The following RLIM variants were observed in gnomAD, a reference collection of about 807,000 sequenced individuals.
RLIM encodes the protein E3 ubiquitin-protein ligase RLIM.
A neutral mutation model predicts 34.0 loss-of-function variants in RLIM; 2 were observed. The ratio of observed to expected loss-of-function variants is 0.06; its 90% CI spans 0.02 to 0.19. RLIM has a LOEUF of 0.19. Among genes scored for constraint, RLIM ranks in the 10% least tolerant of loss-of-function variants. The pLI, the probability that RLIM is intolerant of heterozygous loss-of-function variation, is 1.00. For missense variants in RLIM, 286 were observed against 479.7 expected, an observed-to-expected ratio of 0.60 and a Z score of 3.77; for synonymous variants, 169 against 164.0, an observed-to-expected ratio of 1.03 and a Z score of -0.23.
intron 1 of RLIM, among the ~76,000 whole-genome samples, chrX:74,609,092 C>T (rs2079695256): frequency 8.9e-6 from 1 of 111,766 alleles, no homozygotes; most frequent in Non-Finnish European, 1.9e-5. Flanking sequence ...TCACTGATAA[C>T]TGACAATGTT....
Position 74,587,437 on chromosome X carries a change from G to A in RLIM, c.*4003C>T, listed in dbSNP as rs993137876. On this transcript the variant is annotated 3_prime_UTR_variant, in exon 4 of 4. Transcript: ENST00000332687. ...ATGTACTTAATATGGTAAAACATGT[G>A]ACAGGGAAGCCTGTAAGGTAAAACT... The A allele has an allele frequency of 1.8e-5, 2 of 111,069 alleles. No individual in the cohort carries two copies. Among genetic ancestry groups the A allele is most frequent in the Admixed American group, 9.6e-5 (1 of 10,387 alleles). 9.2% of individuals were successfully genotyped at this position (111,069 alleles called of 1,213,427 possible). A position where few individuals can be genotyped will look rare whatever the true frequency, so the allele number is the denominator to read the frequency against.
intron 1 of RLIM, among the ~76,000 whole-genome samples, chrX:74,603,374 C>A (rs776855075): frequency 9.0e-6 from 1 of 110,800 alleles, no homozygotes; most frequent in Non-Finnish European, 1.9e-5. Context: ...AAAGATCCAA[C>A]GAGATCTTCC....
At position 74,592,572 on chromosome X, in the gene RLIM, G is replaced by A; in HGVS notation, c.743C>T (p.Ser248Phe). The A allele has an allele frequency of 8.3e-7, 1 of 1,211,909 alleles. No homozygotes were observed. Among genetic ancestry groups the A allele is most frequent in the Non-Finnish European group, 1.1e-6 (1 of 895,566 alleles). Reference protein sequence around the residue: ...IPRRSHHSISSQTFEHPLVNE... With the variant: ...IPRRSHHSISFQTFEHPLVNE... ...TACCAAAGGATGTTCAAAAGTCTGA[G>A]ATGAGATACTATGATGAGATCTTCG... The change falls in exon 4 of 4, where the codon TCT (serine) becomes TTT (phenylalanine). Residue 248 changes from serine to phenylalanine, a missense_variant. Ser to Phe is a radical substitution (Grantham distance 155). Coordinates refer to ENST00000332687, the MANE Select transcript of RLIM (RefSeq NM_016120.4).
At chrX:74,597,344 T>G (rs2079643819) in intron 1 of RLIM, among the ~76,000 whole-genome samples, 2 of 111,829 alleles carry the variant, frequency 1.8e-5, no homozygotes, top group African/African-American at 3.3e-5. Flanking sequence ...AAAAATAAGG[T>G]AAATGATGGA....
At chrX:74,607,554 C>T (rs1477532873) in intron 1 of RLIM, among the ~76,000 whole-genome samples, 2 of 112,728 alleles carry the variant, frequency 1.8e-5, no homozygotes, top group African/African-American at 6.4e-5. Context: ...TACAAAAATA[C>T]AAAAATTTGC....
At chrX:74,612,692 TTTTC>T (rs1486325394) in intron 1 of RLIM, 1 of 110,567 alleles carries the variant, frequency 9.0e-6, no homozygotes, top group Non-Finnish European at 1.9e-5. Context: ...AAGATACACA[TTTTC>T]TTTGAATTAG....
chrX:74,597,598 T>C (rs1406797209), intron 1 of RLIM, among the ~76,000 whole-genome samples: 3 of 112,004 alleles, frequency 2.7e-5, no homozygotes, highest in African/African-American at 9.7e-5. Flanking sequence ...TAAAAATATA[T>C]ATGGAATGGA....
chrX:74,584,033 A>G lies in RLIM; in HGVS notation c.*7407T>C, dbSNP rs1931285826. Among the ~76,000 whole-genome samples the G allele has an allele frequency of 8.9e-6, 1 of 111,955 alleles. No homozygotes were observed. The highest frequency in any genetic ancestry group is 3.3e-5 in the African/African-American group (1 of 30,713). On this transcript the variant is annotated 3_prime_UTR_variant, in exon 4 of 4. Transcript: ENST00000332687. ...GCACTCCAGCCTGGGCGACAGGGCG[A>G]GAATCCATCTCAAACAAACAAAAAA...
rs1244905812 is a variant in RLIM at position 74,590,039 on chromosome X, G to A, written c.*1401C>T. 1 of 112,071 alleles carries A rather than the reference G, an allele frequency of 8.9e-6. No homozygotes were observed. Among genetic ancestry groups the A allele is most frequent in the East Asian group, 2.8e-4 (1 of 3,573 alleles). 9.2% of individuals were successfully genotyped at this position (112,071 alleles called of 1,213,427 possible). ...TTCAACTGGTCTTTAAATTTGAGAT[G>A]TTAGGACTGTGTTAGAGATAGTAAT... is the stretch of plus-strand genomic sequence containing the variant. On this transcript the variant is annotated 3_prime_UTR_variant, in exon 4 of 4. Coordinates refer to ENST00000332687, the MANE Select transcript of RLIM (RefSeq NM_016120.4).
chrX:74,613,381 T>C (rs1470593020), intron 1 of RLIM, among the ~76,000 whole-genome samples: 1 of 110,175 alleles, frequency 9.1e-6, no homozygotes, highest in East Asian at 2.8e-4. Context: ...AACTGCTTCC[T>C]CTTGCCCCAA....
At position 74,588,493 on chromosome X, in the gene RLIM, C is replaced by G. The variant is rs896404895; in HGVS notation, c.*2947G>C. On this transcript the variant is annotated 3_prime_UTR_variant, in exon 4 of 4. Coordinates refer to ENST00000332687, the MANE Select transcript of RLIM (RefSeq NM_016120.4). ...CTCAAAAAAACAAAACAAAACAAAA[C>G]AAAACAAAAAAACCTCAACTTTGTC... 1.1e-4 allele frequency: 12 copies of G among 111,607 alleles called. No homozygotes were observed. The highest frequency in any genetic ancestry group is 3.6e-4 in the African/African-American group (11 of 30,735). 9.2% of individuals were successfully genotyped at this position (111,607 alleles called of 1,213,427 possible).
intron 1 of RLIM, among the ~76,000 whole-genome samples, chrX:74,597,361 TTC>T (rs2079643914): frequency 8.9e-6 from 1 of 112,225 alleles, no homozygotes; most frequent in Admixed American, 9.5e-5. Context: ...TGGAGTGGTT[TTC>T]TCTTTGGCTC....
intron 1 of RLIM, among the ~76,000 whole-genome samples, chrX:74,610,191 C>A (rs771804953): frequency 1.8e-5 from 2 of 111,636 alleles, no homozygotes; most frequent in Non-Finnish European, 3.8e-5. Flanking sequence ...CCAAGGCGGG[C>A]GGATCACCTG....
chrX:74,607,804 T>C (rs1239620177), intron 1 of RLIM, among the ~76,000 whole-genome samples: 3 of 112,710 alleles, frequency 2.7e-5, no homozygotes, highest in Non-Finnish European at 5.6e-5. Context: ...ACTAGTGACA[T>C]GTGATCTGTG....
chrX:74,583,503 G>C lies in RLIM; in HGVS notation c.*7937C>G, dbSNP rs1931268916. On this transcript the variant is annotated 3_prime_UTR_variant, in exon 4 of 4. Transcript: ENST00000332687. ...GCGGACAGCAGGAGTAGCTGCAGCA[G>C]CTGTAGCTGCAAGACGTGGACCCAT... 1 of 613,484 alleles carries C rather than the reference G, an allele frequency of 1.6e-6. No homozygotes were observed. The highest frequency in any genetic ancestry group is 2.8e-6 in the Non-Finnish European group (1 of 351,624). 50.6% of individuals were successfully genotyped at this position (613,484 alleles called of 1,213,427 possible). A position where few individuals can be genotyped will look rare whatever the true frequency, so the allele number is the denominator to read the frequency against.
chrX:74,598,416 C>T (rs1167896192), intron 1 of RLIM, among the ~76,000 whole-genome samples: 1 of 109,565 alleles, frequency 9.1e-6, no homozygotes, highest in Non-Finnish European at 1.9e-5. Flanking sequence ...TCACTTGAGC[C>T]CAGAAGTTCA....
At chrX:74,606,618 A>T (rs1457106059) in intron 1 of RLIM, among the ~76,000 whole-genome samples, 1 of 112,131 alleles carries the variant, frequency 8.9e-6, no homozygotes, top group African/African-American at 3.2e-5. Flanking sequence ...GCAAAAAGTT[A>T]TTTAAAACAT....
intron 1 of RLIM, among the ~76,000 whole-genome samples, chrX:74,609,181 C>T (rs969845751): frequency 1.8e-5 from 2 of 111,218 alleles, no homozygotes. Flanking sequence ...AAGATTGAAG[C>T]CAATTTTTAA....
Position 74,592,173 on chromosome X carries a change from G to C in RLIM, c.1142C>G (p.Thr381Ser), listed in dbSNP as rs112460772. Residue 381 changes from threonine to serine, a missense_variant, in exon 4 of 4, where the codon ACC (threonine) becomes AGC (serine). Physicochemically the swap from Thr to Ser is moderately conservative, Grantham distance 58. This residue lies in a region of RLIM where 12 missense variants were observed against 45.2 expected (regional missense o/e 0.27). Transcript: ENST00000332687. ...GATTCTACGAATGGGAATTCTGATG[G>C]TACTGACATAGGTTCTCACACCTGC... is the stretch of plus-strand genomic sequence containing the variant. ...ERAGVRTYVS[T>S]IRIPIRRILN... The C allele has an allele frequency of 8.3e-7, 1 of 1,211,312 alleles. No homozygotes were observed. The highest frequency in any genetic ancestry group is 3.0e-5 in the East Asian group (1 of 33,851).
Sources: allele counts gnomAD v4.1 joint callset (sites outside exome capture counted in the v4.1 genomes callset), GRCh38; gene constraint gnomAD v4.1.1; regional missense constraint gnomAD v4.1.1; transcripts MANE v1.5; gene names NCBI Gene and HGNC (gene_info 2026-07-23, HGNC 2026-07-21).